Variants in YPEL2 observed in about 807,000 individuals in gnomAD.
YPEL2 encodes yippee like 2.
In YPEL2, 2 loss-of-function variants were observed where a neutral mutation model predicts 19.1. That is an observed-to-expected ratio of 0.10 (90% CI 0.04 to 0.33). The LOEUF is 0.33. YPEL2 is among the 10% of genes least tolerant of loss of function. YPEL2 has a pLI of 1.00. For synonymous variants in YPEL2, 52 were observed against 50.0 expected (o/e 1.04, Z -0.17); for missense variants, 66 against 140.7 (o/e 0.47, Z 2.68).
chr17:59,359,490 C>CA (rs1424784349), intron 2 of YPEL2, among the ~76,000 whole-genome samples: 2 of 151,470 alleles, frequency 1.3e-5, no homozygotes, highest in Non-Finnish European at 2.9e-5. Flanking sequence ...TGCCAGTTAG[C>CA]AAAAATTAAA....
intron 4 of YPEL2, among the ~76,000 whole-genome samples, chr17:59,392,580 G>A (rs1010534913): frequency 5.7e-5 from 8 of 141,196 alleles, no homozygotes; most frequent in South Asian, 2.3e-4. Flanking sequence ...GTGTGATCTC[G>A]GCTTACTGCA....
At chr17:59,341,208 A>G (rs1418877298) in intron 1 of YPEL2, among the ~76,000 whole-genome samples, 1 of 151,308 alleles carries the variant, frequency 6.6e-6, no homozygotes, top group Non-Finnish European at 1.5e-5. Context: ...CTGACTAACA[A>G]GGTGAAATCC....
Position 59,349,488 on chromosome 17 carries a change from G to A in YPEL2, c.-195-3727G>A, listed in dbSNP as rs1025668951. 1.6e-4 allele frequency among the ~76,000 whole-genome samples: 24 copies of A among 150,352 alleles called. No individual in the cohort carries two copies. The Middle Eastern group carries it at 0.021, about 130-fold the overall frequency. On this transcript the variant is annotated intron_variant, in intron 1 of 4. Coordinates refer to ENST00000312655, the MANE Select transcript of YPEL2 (RefSeq NM_001005404.4). ...TAGCTGGGACTACAGCTGGGACTAC[G>A]GGCGTGCGCTACCATGCCTGGCTAA... is the stretch of plus-strand genomic sequence containing the variant.
chr17:59,374,316 T>C (rs2147949769), intron 2 of YPEL2, among the ~76,000 whole-genome samples: 1 of 152,330 alleles, frequency 6.6e-6, no homozygotes, highest in South Asian at 2.1e-4. Flanking sequence ...TATGCCCATG[T>C]CTCTTTCATA....
At chr17:59,333,132 C>G (rs1215216883) in intron 1 of YPEL2, among the ~76,000 whole-genome samples, 1 of 152,248 alleles carries the variant, frequency 6.6e-6, no homozygotes, top group African/African-American at 2.4e-5. Context: ...GCCACAGGGC[C>G]TATGAATGGC....
intron 4 of YPEL2, among the ~76,000 whole-genome samples, chr17:59,389,993 A>G (rs2047999691): frequency 6.6e-6 from 1 of 152,004 alleles, no homozygotes; most frequent in Admixed American, 6.6e-5. Context: ...AATATTAGGC[A>G]AATTTATTTT....
At chr17:59,376,267 T>C (rs1339348183) in intron 2 of YPEL2, among the ~76,000 whole-genome samples, 7 of 152,204 alleles carry the variant, frequency 4.6e-5, no homozygotes, top group African/African-American at 1.7e-4. Flanking sequence ...TCGCCCAGGC[T>C]GGCATGCAAT....
At chr17:59,383,615 T>C (rs1412525398) in intron 2 of YPEL2, among the ~76,000 whole-genome samples, 2 of 23,276 alleles carry the variant, frequency 8.6e-5, no homozygotes, top group Non-Finnish European at 7.5e-5. Flanking sequence ...AAAAAATATA[T>C]ATATATATAT....
intron 2 of YPEL2, among the ~76,000 whole-genome samples, chr17:59,377,161 T>G (rs1180314446): frequency 1.3e-5 from 2 of 152,130 alleles, no homozygotes; most frequent in African/African-American, 4.8e-5. Context: ...AAGAACATTT[T>G]CATTGGCCAG....
intron 4 of YPEL2, among the ~76,000 whole-genome samples, chr17:59,391,172 G>C (rs1257458668): frequency 1.3e-5 from 2 of 152,116 alleles, no homozygotes; most frequent in African/African-American, 4.8e-5. Context: ...CAAATTCCCT[G>C]TCCTGTCATA....
At chr17:59,332,883 G>A (rs915110197) in intron 1 of YPEL2, among the ~76,000 whole-genome samples, 2 of 152,176 alleles carry the variant, frequency 1.3e-5, no homozygotes, top group Non-Finnish European at 2.9e-5. Context: ...GGAGGCTCTT[G>A]AGTGAGTCCT....
At chr17:59,393,437 AT>A (rs1015785480) in intron 4 of YPEL2, among the ~76,000 whole-genome samples, 10 of 138,786 alleles carry the variant, frequency 7.2e-5, no homozygotes, top group East Asian at 2.1e-4. Flanking sequence ...GCCTGGCCGA[AT>A]TTTTTTTTTC....
intron 2 of YPEL2, among the ~76,000 whole-genome samples, chr17:59,372,882 A>G (rs1031430706): frequency 6.6e-6 from 1 of 152,170 alleles, no homozygotes; most frequent in African/African-American, 2.4e-5. Flanking sequence ...TGTTGTTATT[A>G]TTATTTTAAT....
In YPEL2 at chr17:59,331,819, C is replaced by G. The variant is rs1005364808; in HGVS notation, c.-201C>G. ...ACGCTGGCCGGACAGGGCCGCCTGT[C>G]GCCGGGTAAGTGCACCGGAGTGCGG... On this transcript the variant is annotated 5_prime_UTR_variant, in exon 1 of 5. Transcript: ENST00000312655. 1 of 151,696 alleles carries G rather than the reference C, an allele frequency of 6.6e-6. No individual in the cohort carries two copies. 9.4% of individuals were successfully genotyped at this position (151,696 alleles called of 1,614,324 possible). A position where few individuals can be genotyped will look rare whatever the true frequency, so the allele number is the denominator to read the frequency against.
At chr17:59,383,050 CTT>C (rs1030662971) in intron 2 of YPEL2, among the ~76,000 whole-genome samples, 2 of 152,078 alleles carry the variant, frequency 1.3e-5, no homozygotes, top group African/African-American at 4.8e-5. Flanking sequence ...CTCTGAAACT[CTT>C]TGTTTGGAAT....
At chr17:59,346,987 G>T (rs2047759646) in intron 1 of YPEL2, among the ~76,000 whole-genome samples, 2 of 152,292 alleles carry the variant, frequency 1.3e-5, no homozygotes, top group South Asian at 4.1e-4. Context: ...ACACATGGTA[G>T]ACTCTTAAAT....
intron 2 of YPEL2, among the ~76,000 whole-genome samples, chr17:59,367,868 A>AAG (rs1190795717): frequency 6.6e-6 from 1 of 152,138 alleles, no homozygotes; most frequent in African/African-American, 2.4e-5. Flanking sequence ...CTGTAATGGG[A>AAG]AGACAGTGTG....
intron 2 of YPEL2, among the ~76,000 whole-genome samples, chr17:59,358,719 C>A (rs2047825531): frequency 6.6e-6 from 1 of 152,080 alleles, no homozygotes; most frequent in African/African-American, 2.4e-5. Context: ...AAGCGATTCT[C>A]CTGCCTCAGC....
intron 2 of YPEL2, chr17:59,356,428 C>T (rs1310715960): frequency 1.3e-5 from 2 of 152,216 alleles, no homozygotes; most frequent in African/African-American, 4.8e-5. Flanking sequence ...GTGCCTAAGC[C>T]TACATGGAAA....
Sources: allele counts gnomAD v4.1 joint callset (sites outside exome capture counted in the v4.1 genomes callset), GRCh38; gene constraint gnomAD v4.1.1; transcripts MANE v1.5; gene names NCBI Gene and HGNC (gene_info 2026-07-23, HGNC 2026-07-21).